The following POU6F2 variants were observed in gnomAD, a reference collection of about 807,000 sequenced individuals.
The protein encoded by POU6F2 is POU domain, class 6, transcription factor 2.
A neutral mutation model predicts 71.3 loss-of-function variants in POU6F2; 31 were observed. The observed-to-expected ratio is 0.43, with a 90% CI of 0.33 to 0.59. The LOEUF (loss-of-function observed/expected upper bound fraction) is 0.59, where lower values mean the gene tolerates loss of function less well. Ranked by LOEUF, POU6F2 falls within the 20% of genes least tolerant of loss-of-function variation. The pLI is 0.04. For missense variants in POU6F2, 783 were observed against 856.8 expected, an observed-to-expected ratio of 0.91 and a Z score of 1.07; for synonymous variants, 347 against 355.7, an observed-to-expected ratio of 0.98 and a Z score of 0.27.
At chr7:39,387,622 A>G (rs1356136132) in intron 5 of POU6F2, among the ~76,000 whole-genome samples, 1 of 152,246 alleles carries the variant, frequency 6.6e-6, no homozygotes, top group Non-Finnish European at 1.5e-5. Context: ...GGCTCCACAC[A>G]GCAGAACTGA....
chr7:39,267,639 T>C lies in POU6F2; in HGVS notation c.598+60019T>C, dbSNP rs945382350. 1.6e-4 allele frequency among the ~76,000 whole-genome samples: 22 copies of C among 134,466 alleles called. No homozygotes were observed. The Admixed American group carries it at 1.7e-3, about 10-fold the overall frequency. The allele number at this position is 134,466 out of a possible 152,430, so 88.2% of individuals were successfully genotyped here. Reference sequence around the variant, plus strand: ...TTCATACATTTAAAAATATTTTATTTATTTTTTTTTTTTAGAGGCAAGGTC... The same window carrying C: ...TTCATACATTTAAAAATATTTTATTCATTTTTTTTTTTTAGAGGCAAGGTC... On this transcript the variant is annotated intron_variant, in intron 4 of 9. Transcript: ENST00000518318.
intron 2 of POU6F2, among the ~76,000 whole-genome samples, chr7:39,159,110 G>A (rs1460415193): frequency 1.3e-5 from 2 of 151,958 alleles, no homozygotes; most frequent in East Asian, 1.9e-4. Context: ...CCTGGGAGGC[G>A]GAGGTTGTAG....
chr7:39,177,081 C>A (rs966900163), intron 2 of POU6F2, among the ~76,000 whole-genome samples: 1 of 152,198 alleles, frequency 6.6e-6, no homozygotes, highest in Non-Finnish European at 1.5e-5. Flanking sequence ...TAGTTAACTG[C>A]ATTTTCTTAT....
At chr7:39,299,908 TG>T (rs1387589973) in intron 4 of POU6F2, among the ~76,000 whole-genome samples, 1 of 152,200 alleles carries the variant, frequency 6.6e-6, no homozygotes, top group Non-Finnish European at 1.5e-5. Flanking sequence ...TGCTTTTTGC[TG>T]CCAAACAGCC....
At chr7:39,143,645 C>T (rs1034863769) in intron 2 of POU6F2, among the ~76,000 whole-genome samples, 2 of 152,166 alleles carry the variant, frequency 1.3e-5, no homozygotes, top group Admixed American at 6.6e-5. Context: ...GGAGTGAAGA[C>T]TCCCAGAGCT....
chr7:39,055,967 TA>T (rs1436582487), intron 1 of POU6F2, among the ~76,000 whole-genome samples: 1 of 152,016 alleles, frequency 6.6e-6, no homozygotes, highest in Non-Finnish European at 1.5e-5. Flanking sequence ...TGAATCTTTT[TA>T]TTTTGGTCTA....
chr7:39,190,417 T>TTAA (rs1263393087), intron 2 of POU6F2, among the ~76,000 whole-genome samples: 5 of 59,892 alleles, frequency 8.3e-5, no homozygotes, highest in Non-Finnish European at 1.4e-4. Flanking sequence ...CTCCTTTTCT[T>TTAA]AAAAAAAAAA....
chr7:39,242,565 T>C (rs1007712474), intron 4 of POU6F2, among the ~76,000 whole-genome samples: 5 of 152,008 alleles, frequency 3.3e-5, no homozygotes, highest in African/African-American at 1.2e-4. Context: ...CATGATATGG[T>C]AAAATCAAAG....
chr7:39,206,410 TATA>T (rs745596087), intron 3 of POU6F2, among the ~76,000 whole-genome samples: 114 of 152,346 alleles, frequency 7.5e-4, no homozygotes, highest in Non-Finnish European at 1.3e-3. Context: ...CATGTGTTTG[TATA>T]ATATCATTTT....
chr7:38,988,114 T>C (rs1203685122), intron 1 of POU6F2, among the ~76,000 whole-genome samples: 1 of 152,102 alleles, frequency 6.6e-6, no homozygotes, highest in Non-Finnish European at 1.5e-5. Flanking sequence ...CCCCATTTTA[T>C]AGAAGTGGAA....
Position 39,085,854 on chromosome 7 carries a change from T to C in POU6F2, c.106-6T>C. 1 of 1,612,958 alleles carries C rather than the reference T, an allele frequency of 6.2e-7. No homozygotes were observed. The highest frequency in any genetic ancestry group is 1.1e-5 in the South Asian group (1 of 90,974). ...TCCTCCCCTTCACTCTTTTCGCCCA[T>C]CCTAGGATCCAATGATAGCTGGACA... is the stretch of plus-strand genomic sequence containing the variant. On this transcript the variant is annotated splice_polypyrimidine_tract_variant and splice_region_variant and intron_variant, in intron 1 of 9. Transcript: ENST00000518318.
chr7:39,006,926 T>G, intron 1 of POU6F2: 1 of 1,516,594 alleles, frequency 6.6e-7, no homozygotes, highest in Non-Finnish European at 9.2e-7. Context: ...ATTTATAATC[T>G]GTGAGTTTAT....
chr7:39,037,168 C>T (rs1020315094), intron 1 of POU6F2, among the ~76,000 whole-genome samples: 3 of 151,988 alleles, frequency 2.0e-5, no homozygotes, highest in Non-Finnish European at 4.4e-5. Context: ...AATCACTTTT[C>T]CCTCAGATGA....
At chr7:39,442,561 A>G (rs1173647296) in intron 7 of POU6F2, among the ~76,000 whole-genome samples, 1 of 151,992 alleles carries the variant, frequency 6.6e-6, no homozygotes, top group Non-Finnish European at 1.5e-5. Context: ...TCTTCCCCCC[A>G]TCTCTCAGCT....
intron 4 of POU6F2, among the ~76,000 whole-genome samples, chr7:39,275,344 G>C (rs545165368): frequency 5.9e-4 from 90 of 152,276 alleles, no homozygotes; most frequent in African/African-American, 2.1e-3. Context: ...CAACCTACAA[G>C]GGACGTGAAG....
At chr7:39,250,009 G>A (rs1016408335) in intron 4 of POU6F2, among the ~76,000 whole-genome samples, 4 of 152,162 alleles carry the variant, frequency 2.6e-5, no homozygotes, top group African/African-American at 4.8e-5. Flanking sequence ...GCATTAAAGC[G>A]TGGGCTCTCG....
chr7:39,303,609 T>C (rs1784995266), intron 4 of POU6F2, among the ~76,000 whole-genome samples: 1 of 152,228 alleles, frequency 6.6e-6, no homozygotes, highest in Non-Finnish European at 1.5e-5. Flanking sequence ...TTGGATGGGA[T>C]GGAATGATGC....
intron 4 of POU6F2, among the ~76,000 whole-genome samples, chr7:39,302,574 A>C (rs555722950): frequency 1.3e-5 from 2 of 152,346 alleles, no homozygotes; most frequent in East Asian, 3.9e-4. Flanking sequence ...GCTATGTCTT[A>C]TCATTGCTTG....
intron 4 of POU6F2, 23 bp downstream of exon 4, chr7:39,207,643 C>T: frequency 6.3e-7 from 1 of 1,598,586 alleles, no homozygotes; most frequent in Non-Finnish European, 8.5e-7. Flanking sequence ...GTCCATGCGC[C>T]ACGTAAGGCT....
Sources: gnomAD v4.1 joint callset for allele counts (sites outside exome capture counted in the v4.1 genomes callset) on GRCh38, gnomAD v4.1.1 for gene constraint, MANE v1.5 for transcripts, NCBI Gene and HGNC (gene_info 2026-07-23, HGNC 2026-07-21) for gene names.